PARVB: variants seen among roughly 807,000 people sequenced by gnomAD.
PARVB encodes parvin beta.
In PARVB, 46 loss-of-function variants were observed where a neutral mutation model predicts 47.0. The observed-to-expected ratio is 0.98, with a 90% CI of 0.77 to 1.25. The LOEUF is 1.25. Among genes scored for constraint, PARVB ranks in the 50% most tolerant of loss-of-function variants. The probability of loss-of-function intolerance (pLI) is 0.00; values close to 1 mark genes in which losing one functional copy is unlikely to be tolerated. For synonymous variants in PARVB, 196 were observed against 196.3 expected (o/e 1.00, Z 0.01); for missense variants, 473 against 471.6 (o/e 1.00, Z -0.03).
chr22:44,017,772 A>G (rs1347301910), intron 2 of PARVB, among the ~76,000 whole-genome samples: 1 of 151,998 alleles, frequency 6.6e-6, no homozygotes, highest in Non-Finnish European at 1.5e-5. Context: ...CCCCATGAGG[A>G]TGGCTCTTGT....
At chr22:44,033,475 C>T (rs986281409) in intron 1 of PARVB, among the ~76,000 whole-genome samples, 1 of 152,166 alleles carries the variant, frequency 6.6e-6, no homozygotes, top group Non-Finnish European at 1.5e-5. Context: ...GGCATTTTTG[C>T]CTTCCTCACC....
At position 44,095,513 on chromosome 22, in the gene PARVB, AAAAAAAG is replaced by A. The variant is rs1286065747; in HGVS notation, c.202+1503_202+1509del. Among the ~76,000 whole-genome samples, 17 of 152,114 alleles carry A rather than the reference AAAAAAAG, an allele frequency of 1.1e-4. No homozygotes were observed. In the South Asian group the frequency reaches 2.5e-3, roughly 22 times the overall value. On this transcript the variant is annotated intron_variant, in intron 2 of 12. Transcript: ENST00000338758. Reference sequence around the variant, plus strand: ...AGCGAGACATCTCAAAGTAAAAAAAAAAAAAAGAAAAAAAGAAAATGCAAAACACAAT... The same window carrying A: ...AGCGAGACATCTCAAAGTAAAAAAAAAAAAAAAGAAAATGCAAAACACAAT...
chr22:44,033,294 G>A (rs1037966210), intron 1 of PARVB, among the ~76,000 whole-genome samples: 7 of 152,164 alleles, frequency 4.6e-5, no homozygotes, highest in Middle Eastern at 6.8e-3. Context: ...CGCCCACCTC[G>A]GCCTCCCAAA....
intron 8 of PARVB, chr22:44,143,792 CT>C (rs775446491): frequency 1.3e-5 from 2 of 152,472 alleles, no homozygotes; most frequent in Non-Finnish European, 1.5e-5. Flanking sequence ...GCTGGTGCGG[CT>C]TCTCCGCGGG....
In PARVB at chr22:44,069,068, G is replaced by A. The variant is rs565922225; in HGVS notation, c.113-24860G>A. On this transcript the variant is annotated intron_variant, in intron 1 of 12. Transcript: ENST00000338758. ...CAAGTCATAGTGGCGCCCCTGCCACGTCCCTATATGAACGGGGTGTGTGCC... is the reference window on the plus strand; with the variant it reads ...CAAGTCATAGTGGCGCCCCTGCCACATCCCTATATGAACGGGGTGTGTGCC... The A allele has an allele frequency of 2.9e-4, 459 of 1,585,870 alleles. 4 individuals are homozygous for A. The South Asian group carries it at 4.3e-3, about 15-fold the overall frequency.
intron 1 of PARVB, among the ~76,000 whole-genome samples, chr22:44,077,206 C>T (rs1386961797): frequency 2.0e-5 from 3 of 152,152 alleles, no homozygotes; most frequent in African/African-American, 7.2e-5. Flanking sequence ...GGGCTGTGCT[C>T]CCTCCAGGGC....
chr22:44,165,136 C>T (rs139086), intron 12 of PARVB, among the ~76,000 whole-genome samples: 66,103 of 152,048 alleles, frequency 0.43, 14,900 homozygotes, highest in Admixed American at 0.51. Flanking sequence ...GGGACTAAGG[C>T]GCATACCACC....
At chr22:44,123,440 G>T (rs975181612) in intron 4 of PARVB, among the ~76,000 whole-genome samples, 9 of 152,094 alleles carry the variant, frequency 5.9e-5, no homozygotes, top group African/African-American at 9.7e-5. Context: ...TCAAGACAGG[G>T]TCTCACTCCA....
At chr22:44,071,125 C>T (rs534127611) in intron 1 of PARVB, among the ~76,000 whole-genome samples, 14 of 152,238 alleles carry the variant, frequency 9.2e-5, no homozygotes, top group South Asian at 8.3e-4. Flanking sequence ...AGATACTGAG[C>T]GCTCTGTCCC....
Position 44,052,712 on chromosome 22 carries a change from G to T in PARVB, c.112+28261G>T, listed in dbSNP as rs537924487. Among the ~76,000 whole-genome samples the T allele has an allele frequency of 5.9e-5, 9 of 152,322 alleles. No homozygotes were observed. In the East Asian group the frequency reaches 1.7e-3, roughly 29 times the overall value. On this transcript the variant is annotated intron_variant, in intron 1 of 12. Coordinates refer to ENST00000338758, the MANE Select transcript of PARVB (RefSeq NM_013327.5). ...AATCCCAGCACTTTGGGAGGCTGAG[G>T]CAGGCGGATTGCTTGAGCCCAGGAG...
intron 3 of PARVB, chr22:44,114,946 C>A (rs1323958410): frequency 9.0e-6 from 1 of 110,834 alleles, no homozygotes; most frequent in African/African-American, 4.3e-5. Flanking sequence ...CTAACTAAGG[C>A]CCTGCACCAA....
chr22:44,025,870 G>A (rs1214706559), intron 1 of PARVB, among the ~76,000 whole-genome samples: 2 of 152,214 alleles, frequency 1.3e-5, no homozygotes, highest in Non-Finnish European at 2.9e-5. Flanking sequence ...CCCGCCATGG[G>A]CCAGGTGCTG....
At chr22:44,081,657 G>A in intron 1 of PARVB, 1 of 982,830 alleles carries the variant, frequency 1.0e-6, no homozygotes, top group Non-Finnish European at 1.2e-6. Flanking sequence ...AGTCTCATGG[G>A]GCTCGTCTGT....
chr22:44,149,642 A>G (rs5764098), intron 9 of PARVB: 59,501 of 152,186 alleles, frequency 0.39, 12,533 homozygotes, highest in East Asian at 0.79. Flanking sequence ...CCGCACACCC[A>G]TTAATGGCTC....
chr22:44,024,162 G>T (rs1051779850), upstream of PARVB: 4 of 192,020 alleles, frequency 2.1e-5, no homozygotes, highest in Non-Finnish European at 2.9e-5. Flanking sequence ...GGACGGGGAC[G>T]GCTCTGGCCG....
intron 3 of PARVB, chr22:44,107,594 G>A (rs2052596028): frequency 6.6e-6 from 1 of 152,206 alleles, no homozygotes; most frequent in Admixed American, 6.5e-5. Flanking sequence ...CAGGATTAGA[G>A]GGTTGGGTCT....
At chr22:44,150,381 C>T (rs1239474422) in intron 9 of PARVB, 2 of 150,690 alleles carry the variant, frequency 1.3e-5, no homozygotes, top group African/African-American at 4.9e-5. Flanking sequence ...TATTGCAAAT[C>T]GATAGGCAGG....
At chr22:44,136,858 C>G (rs775625319) in intron 7 of PARVB, among the ~76,000 whole-genome samples, 21 of 152,206 alleles carry the variant, frequency 1.4e-4, no homozygotes, top group Non-Finnish European at 2.9e-4. Context: ...ATTTATCCAT[C>G]TACATTAGCC....
intron 2 of PARVB, among the ~76,000 whole-genome samples, chr22:44,017,981 G>A (rs1243711805): frequency 6.6e-6 from 1 of 152,122 alleles, no homozygotes; most frequent in Non-Finnish European, 1.5e-5. Context: ...TAGAGGGTCT[G>A]TCCCATGCAC....
Sources: gnomAD v4.1 joint callset for allele counts (sites outside exome capture counted in the v4.1 genomes callset) on GRCh38, gnomAD v4.1.1 for gene constraint, MANE v1.5 for transcripts, NCBI Gene and HGNC (gene_info 2026-07-23, HGNC 2026-07-21) for gene names.